The following CNTN4 variants were observed in gnomAD, a reference collection of about 807,000 sequenced individuals.
The protein encoded by CNTN4 is contactin-4.
CNTN4 carries 77 observed loss-of-function variants against 122.5 expected under a neutral mutation model. The observed-to-expected ratio is 0.63, with a 90% confidence interval of 0.52 to 0.76. The LOEUF (loss-of-function observed/expected upper bound fraction) is 0.76, where lower values mean the gene tolerates loss of function less well. Ranked by LOEUF, CNTN4 falls within the 30% of genes least tolerant of loss-of-function variation. The pLI, the probability that CNTN4 is intolerant of heterozygous loss-of-function variation, is 0.00. For missense variants in CNTN4, 1,256 were observed against 1,259.1 expected, an observed-to-expected ratio of 1.00 and a Z score of 0.04; for synonymous variants, 512 against 447.0, an observed-to-expected ratio of 1.15 and a Z score of -1.83.
At chr3:2,825,455 C>T (rs143549712) in intron 7 of CNTN4, among the ~76,000 whole-genome samples, 7 of 152,114 alleles carry the variant, frequency 4.6e-5, no homozygotes, top group African/African-American at 1.7e-4. Flanking sequence ...AACTCCTGAC[C>T]TCAGGATCCA....
chr3:2,638,376 A>T (rs1460232386), intron 4 of CNTN4, among the ~76,000 whole-genome samples: 1 of 152,200 alleles, frequency 6.6e-6, no homozygotes, highest in Non-Finnish European at 1.5e-5. Flanking sequence ...TTTCAGGAAG[A>T]TGTGAATATG....
chr3:2,912,249 C>G (rs61094699), intron 12 of CNTN4, among the ~76,000 whole-genome samples: 2,934 of 152,288 alleles, frequency 0.019, 87 homozygotes, highest in African/African-American at 0.067. Flanking sequence ...GATTTTTCAG[C>G]AGGAACTGCA....
chr3:2,232,472 T>A (rs1442488811), intron 2 of CNTN4, among the ~76,000 whole-genome samples: 2 of 152,232 alleles, frequency 1.3e-5, no homozygotes, highest in Non-Finnish European at 2.9e-5. Context: ...CAAGTTTTTT[T>A]AATACTCTTT....
At chr3:2,962,703 G>A (rs1346880893) in intron 13 of CNTN4, among the ~76,000 whole-genome samples, 1 of 152,092 alleles carries the variant, frequency 6.6e-6, no homozygotes, top group Admixed American at 6.6e-5. Flanking sequence ...GGAAAGGGAG[G>A]GCCTCTGACC....
intron 23 of CNTN4, 28 bp from the exon 24 acceptor site, chr3:3,053,779 G>T: frequency 6.2e-7 from 1 of 1,613,148 alleles, no homozygotes; most frequent in Non-Finnish European, 8.5e-7. Context: ...AAGACGGCAG[G>T]TGACACCTGT....
chr3:2,550,361 A>G (rs1559222916), intron 3 of CNTN4, among the ~76,000 whole-genome samples: 2 of 152,154 alleles, frequency 1.3e-5, no homozygotes, highest in East Asian at 1.9e-4. Flanking sequence ...TCTCATCATC[A>G]CTGGTCATTA....
At position 2,439,383 on chromosome 3, in the gene CNTN4, A is replaced by C. The variant is rs536232774; in HGVS notation, c.-89+100150A>C. 7.0e-4 allele frequency among the ~76,000 whole-genome samples: 107 copies of C among 152,288 alleles called. No individual in the cohort carries two copies. In the Middle Eastern group the frequency reaches 0.01, roughly 15 times the overall value. The stretch of plus-strand genomic sequence containing the variant: ...AACCATTGTTCTGTTGGATCTGGCA[A>C]ACCAGTGTCTTTTTACTTTATTTTA... On this transcript the variant is annotated intron_variant, in intron 3 of 24. Coordinates refer to ENST00000418658, the MANE Select transcript of CNTN4 (RefSeq NM_175607.3).
intron 14 of CNTN4, among the ~76,000 whole-genome samples, chr3:3,008,189 T>A (rs1386858362): frequency 6.6e-6 from 1 of 152,160 alleles, no homozygotes; most frequent in East Asian, 1.9e-4. Context: ...TTTAGACAGT[T>A]TTCAGTCTGC....
At position 2,712,382 on chromosome 3, in the gene CNTN4, A is replaced by G. The variant is rs534704689; in HGVS notation, c.56-23833A>G. Among the ~76,000 whole-genome samples, 3 of 152,308 alleles carry G rather than the reference A, an allele frequency of 2.0e-5. No homozygotes were observed. In the East Asian group the frequency reaches 5.8e-4, roughly 29 times the overall value. On this transcript the variant is annotated intron_variant, in intron 4 of 24. Transcript: ENST00000418658. ...CAGCAATGTGCTAGTTGCCATAGGG[A>G]GATAAAATTCTATTAGCTAGTATAG...
rs2080613115 is a variant in CNTN4 at position 2,593,663 on chromosome 3, C to G, written c.55+22105C>G. ...AGAATGTTACTGCCACAGCTTATAC[C>G]TAAACATGTTGAAAATATTTTAGGG... On this transcript the variant is annotated intron_variant, in intron 4 of 24. Transcript: ENST00000418658. 2.0e-5 allele frequency among the ~76,000 whole-genome samples: 3 copies of G among 152,104 alleles called. No homozygotes were observed. In the South Asian group the frequency reaches 6.2e-4, roughly 32 times the overall value.
chr3:2,405,599 A>ATAGG (rs200859673), intron 3 of CNTN4, among the ~76,000 whole-genome samples: 11,995 of 44,648 alleles, frequency 0.27, 624 homozygotes, highest in Middle Eastern at 0.34. Context: ...AGATAGGTAG[A>ATAGG]TAGATAGATA....
intron 17 of CNTN4, among the ~76,000 whole-genome samples, chr3:3,035,996 C>T (rs751605278): frequency 8.6e-5 from 13 of 151,706 alleles, no homozygotes; most frequent in Non-Finnish European, 1.3e-4. Flanking sequence ...GTATACAGCA[C>T]TTCCTATTTT....
intron 13 of CNTN4, among the ~76,000 whole-genome samples, chr3:2,985,016 A>G (rs1694417715): frequency 6.6e-6 from 1 of 152,262 alleles, no homozygotes; most frequent in African/African-American, 2.4e-5. Context: ...CAAATGAGGT[A>G]TCAGATGGTC....
intron 2 of CNTN4, among the ~76,000 whole-genome samples, chr3:2,201,067 G>C (rs965790810): frequency 3.3e-5 from 5 of 152,146 alleles, no homozygotes; most frequent in African/African-American, 1.2e-4. Flanking sequence ...ACTAATTAAA[G>C]AAGCTGAAGG....
intron 7 of CNTN4, among the ~76,000 whole-genome samples, chr3:2,854,576 AATTGGT>A (rs1285339996): frequency 1.3e-5 from 2 of 151,974 alleles, no homozygotes; most frequent in Admixed American, 1.3e-4. Flanking sequence ...CCCGGCTGAA[AATTGGT>A]ATTTTCTTAG....
At chr3:2,423,859 A>G (rs748941792) in intron 3 of CNTN4, among the ~76,000 whole-genome samples, 1 of 146,288 alleles carries the variant, frequency 6.8e-6, no homozygotes, top group Non-Finnish European at 1.5e-5. Flanking sequence ...CTATGGTGGG[A>G]GTAATAGTTC....
rs976494233 is a variant in CNTN4, at chr3:3,057,514, G to T, written c.*1294G>T. 2 of 152,706 alleles carry T rather than the reference G, an allele frequency of 1.3e-5. No individual in the cohort carries two copies. The highest frequency in any genetic ancestry group is 4.1e-4 in the South Asian group (2 of 4,828). The allele number at this position is 152,706 out of a possible 1,614,324, so 9.5% of individuals were successfully genotyped here. A position where few individuals can be genotyped will look rare whatever the true frequency, so the allele number is the denominator to read the frequency against. ...AAGGTTTTGTGAGTAAACCCTACTG[G>T]ACAGTGACATAAAAGGCAATGGAAT... On this transcript the variant is annotated 3_prime_UTR_variant, in exon 25 of 25. Transcript: ENST00000418658.
At chr3:2,405,154 C>T (rs1297341618) in intron 3 of CNTN4, among the ~76,000 whole-genome samples, 1 of 152,062 alleles carries the variant, frequency 6.6e-6, no homozygotes, top group Non-Finnish European at 1.5e-5. Context: ...AGATTATCAT[C>T]CAGTTTCAGA....
At chr3:2,492,966 G>A in intron 3 of CNTN4, among the ~76,000 whole-genome samples, 1 of 151,964 alleles carries the variant, frequency 6.6e-6, no homozygotes, top group East Asian at 1.9e-4. Flanking sequence ...TAAAAAAATT[G>A]ATTTTCCTGG....
Sources: gnomAD v4.1 joint callset for allele counts (sites outside exome capture counted in the v4.1 genomes callset) on GRCh38, gnomAD v4.1.1 for gene constraint, MANE v1.5 for transcripts, NCBI Gene and HGNC (gene_info 2026-07-23, HGNC 2026-07-21) for gene names.